Variants in CABLES1 observed in about 807,000 individuals in gnomAD.
CABLES1 encodes Cdk5 and Abl enzyme substrate 1.
A neutral mutation model predicts 57.8 loss-of-function variants in CABLES1; 36 were observed. The ratio of observed to expected loss-of-function variants is 0.62; its 90% CI spans 0.48 to 0.82. The LOEUF (loss-of-function observed/expected upper bound fraction) is 0.82. CABLES1 is among the 40% of genes least tolerant of loss of function. CABLES1 has a pLI of 0.00. For missense variants in CABLES1, 767 were observed against 836.6 expected (o/e 0.92, Z 1.03); for synonymous variants, 374 against 363.0 (o/e 1.03, Z -0.35).
rs1568062516 is a variant in CABLES1 at position 23,194,535 on chromosome 18, TGGCAG to T, written c.1007_1010+1del. 1 of 1,603,652 alleles carries T rather than the reference TGGCAG, an allele frequency of 6.2e-7. No individual in the cohort carries two copies. The highest frequency in any genetic ancestry group is 1.3e-5 in the African/African-American group (1 of 74,824). ...ACATGCGGCAACACGATACCAGGAA[TGGCAG>T]GTACTACATTCACACAGAAGCGGCT... On this transcript the variant is annotated frameshift_variant and splice_region_variant, in exon 3 of 10. Coordinates refer to ENST00000256925, the MANE Select transcript of CABLES1 (RefSeq NM_001100619.3). LOFTEE classifies it high-confidence loss of function.
chr18:23,251,144 T>G (rs2145129480), intron 7 of CABLES1, among the ~76,000 whole-genome samples: 1 of 152,326 alleles, frequency 6.6e-6, no homozygotes, highest in African/African-American at 2.4e-5. Context: ...TTTCCTGAGC[T>G]TTGACTGATT....
chr18:23,171,992 C>G (rs2047085937), intron 1 of CABLES1, among the ~76,000 whole-genome samples: 1 of 152,214 alleles, frequency 6.6e-6, no homozygotes. Flanking sequence ...ATGATCACAG[C>G]TCACCACAGC....
At chr18:23,179,325 A>T (rs955541947) in intron 1 of CABLES1, among the ~76,000 whole-genome samples, 15 of 152,134 alleles carry the variant, frequency 9.9e-5, no homozygotes, top group African/African-American at 2.7e-4. Flanking sequence ...TGTCTAATTT[A>T]AAAAAATCTA....
intron 7 of CABLES1, among the ~76,000 whole-genome samples, chr18:23,249,986 C>G (rs1490234298): frequency 6.6e-6 from 1 of 151,942 alleles, no homozygotes; most frequent in Non-Finnish European, 1.5e-5. Flanking sequence ...CTTTTCTGAG[C>G]CTCTGTTGCA....
chr18:23,161,341 A>G (rs2047002572), intron 1 of CABLES1, among the ~76,000 whole-genome samples: 1 of 152,038 alleles, frequency 6.6e-6, no homozygotes, highest in South Asian at 2.1e-4. Flanking sequence ...GCTGTGTTCC[A>G]GAAAGAGTGT....
chr18:23,213,554 C>T (rs751655923), intron 3 of CABLES1, among the ~76,000 whole-genome samples: 1 of 152,160 alleles, frequency 6.6e-6, no homozygotes, highest in Non-Finnish European at 1.5e-5. Context: ...AGTGTCTTTC[C>T]TGCTCATAGT....
chr18:23,191,614 T>G (rs2145020676), intron 2 of CABLES1, among the ~76,000 whole-genome samples: 1 of 152,332 alleles, frequency 6.6e-6, no homozygotes, highest in East Asian at 1.9e-4. Flanking sequence ...AGGAATCTAT[T>G]AAACCTTTTG....
At chr18:23,236,981 G>A (rs775696961) in intron 6 of CABLES1, among the ~76,000 whole-genome samples, 161 bp from the exon 7 acceptor site, 5 of 152,204 alleles carry the variant, frequency 3.3e-5, no homozygotes, top group Non-Finnish European at 7.3e-5. Context: ...CTGGCACACG[G>A]AGATGTCTAA....
chr18:23,135,736 G>A lies in CABLES1; in HGVS notation c.-27G>A. 1.0e-6 allele frequency: 1 copy of A among 987,846 alleles called. No individual in the cohort carries two copies. The allele number at this position is 987,846 out of a possible 1,614,324, so 61.2% of individuals were successfully genotyped here. ...GGCGCCGCTCGCTTCTCCGGGCATC[G>A]CGGAAATCCCGCCGCAGACGGACAC... On this transcript the variant is annotated 5_prime_UTR_variant, in exon 1 of 10. Coordinates refer to ENST00000256925, the MANE Select transcript of CABLES1 (RefSeq NM_001100619.3).
intron 1 of CABLES1, among the ~76,000 whole-genome samples, chr18:23,171,288 T>G (rs2047080578): frequency 6.6e-6 from 1 of 152,230 alleles, no homozygotes; most frequent in Non-Finnish European, 1.5e-5. Flanking sequence ...CACCGGATTG[T>G]TCTTAAAGGC....
intron 4 of CABLES1, among the ~76,000 whole-genome samples, chr18:23,222,979 C>G (rs1011696697): frequency 6.6e-6 from 1 of 152,246 alleles, no homozygotes; most frequent in African/African-American, 2.4e-5. Flanking sequence ...CCGCATTAGC[C>G]TCGCAGCCTG....
intron 7 of CABLES1, among the ~76,000 whole-genome samples, chr18:23,241,461 G>A (rs1395055501): frequency 6.7e-6 from 1 of 150,140 alleles, no homozygotes; most frequent in Non-Finnish European, 1.5e-5. Flanking sequence ...AACCCGGGAG[G>A]TGGAGGTTGC....
chr18:23,248,512 CTTTT>C lies in CABLES1; in HGVS notation c.1447-4425_1447-4422del, dbSNP rs59555750. Among the ~76,000 whole-genome samples the C allele has an allele frequency of 2.6e-3, 235 of 90,710 alleles. 2 individuals carry two copies. The highest frequency in any genetic ancestry group is 6.8e-3 in the African/African-American group (157 of 23,158). 59.5% of individuals were successfully genotyped at this position (90,710 alleles called of 152,430 possible). ...CTGGCAATGTAGCAAGACCCTATGTCTTTTTTTTTTTTTTTTTTTTTTTTTTAAA... is the reference window on the plus strand; with the variant it reads ...CTGGCAATGTAGCAAGACCCTATGTCTTTTTTTTTTTTTTTTTTTTTTAAA... On this transcript the variant is annotated intron_variant, in intron 7 of 9. Transcript: ENST00000256925.
At chr18:23,221,278 T>C (rs2047484996) in intron 4 of CABLES1, among the ~76,000 whole-genome samples, 1 of 152,250 alleles carries the variant, frequency 6.6e-6, no homozygotes, top group African/African-American at 2.4e-5. Context: ...AGAGTTTGCT[T>C]GAATTCGATA....
chr18:23,189,171 T>G lies in CABLES1; in HGVS notation c.917+262T>G, dbSNP rs977618135. 1.2e-4 allele frequency: 48 copies of G among 404,574 alleles called. No homozygotes were observed. Among genetic ancestry groups the G allele is most frequent in the Admixed American group, 3.3e-4 (8 of 23,940 alleles). The allele number at this position is 404,574 out of a possible 1,614,324, so 25.1% of individuals were successfully genotyped here. On this transcript the variant is annotated intron_variant, in intron 2 of 9. Transcript: ENST00000256925. ...TTCTTTCCGTGGCGCCTCTTCATTTTGTAAACTGCTGCTTAATGGAACAAG... is the reference window on the plus strand; with the variant it reads ...TTCTTTCCGTGGCGCCTCTTCATTTGGTAAACTGCTGCTTAATGGAACAAG...
At chr18:23,226,370 CCAGCTTGGG>C (rs2047527841) in intron 4 of CABLES1, among the ~76,000 whole-genome samples, 2 of 149,874 alleles carry the variant, frequency 1.3e-5, no homozygotes, top group South Asian at 4.2e-4. Flanking sequence ...CCATTGCACT[CCAGCTTGGG>C]CAACAGAGTG....
At chr18:23,223,573 G>A (rs1231718653) in intron 4 of CABLES1, among the ~76,000 whole-genome samples, 2 of 139,264 alleles carry the variant, frequency 1.4e-5, no homozygotes, top group Non-Finnish European at 3.1e-5. Flanking sequence ...ATGAGACTCC[G>A]TCTCAGAAAA....
intron 3 of CABLES1, chr18:23,197,082 A>C (rs891953163): frequency 1.3e-5 from 2 of 152,242 alleles, no homozygotes; most frequent in East Asian, 1.9e-4. Flanking sequence ...CTGTTGTGAT[A>C]CTCACGTCTG....
At chr18:23,188,122 G>GT (rs2047216141) in intron 1 of CABLES1, among the ~76,000 whole-genome samples, 1 of 152,162 alleles carries the variant, frequency 6.6e-6, no homozygotes, top group Non-Finnish European at 1.5e-5. Flanking sequence ...CCTGCTCCCT[G>GT]TACCTGATAT....
Sources: gnomAD v4.1 joint callset for allele counts (sites outside exome capture counted in the v4.1 genomes callset) on GRCh38, gnomAD v4.1.1 for gene constraint, MANE v1.5 for transcripts, NCBI Gene and HGNC (gene_info 2026-07-23, HGNC 2026-07-21) for gene names.